MAP3K9: variants seen among roughly 807,000 people sequenced by gnomAD.
MAP3K9 encodes the protein mixed lineage kinase 1 (tyr and ser/thr specificity).
In MAP3K9, 46 loss-of-function variants were observed where a neutral mutation model predicts 95.8. The ratio of observed to expected loss-of-function variants is 0.48; its 90% confidence interval spans 0.38 to 0.61. MAP3K9 has a LOEUF of 0.61. Ranked by LOEUF, MAP3K9 falls within the 20% of genes least tolerant of loss-of-function variation. The pLI is 0.00. For missense variants in MAP3K9, 1,296 were observed against 1,474.3 expected (o/e 0.88, Z 1.98); for synonymous variants, 533 against 593.8 (o/e 0.90, Z 1.49).
At chr14:70,796,913 T>A (rs1382206902) in intron 2 of MAP3K9, among the ~76,000 whole-genome samples, 5 of 151,978 alleles carry the variant, frequency 3.3e-5, no homozygotes, top group Non-Finnish European at 7.4e-5. Flanking sequence ...GTAGACCTTG[T>A]TTAGCCGCTG....
intron 2 of MAP3K9, 44 bp downstream of exon 2, chr14:70,800,623 T>G (rs1218500178): frequency 1.3e-6 from 2 of 1,579,906 alleles, no homozygotes; most frequent in African/African-American, 1.3e-5. Context: ...GGGATACAAC[T>G]GCAACTGCTC....
intron 2 of MAP3K9, among the ~76,000 whole-genome samples, chr14:70,784,689 T>C (rs1416039613): frequency 6.6e-6 from 1 of 152,174 alleles, no homozygotes; most frequent in Non-Finnish European, 1.5e-5. Flanking sequence ...GCCACTGTAC[T>C]CCAGCCTGGG....
chr14:70,739,525 C>CACACTT (rs1555367484), intron 7 of MAP3K9, among the ~76,000 whole-genome samples: 16 of 151,808 alleles, frequency 1.1e-4, no homozygotes, highest in African/African-American at 1.4e-4. Context: ...CACACACACA[C>CACACTT]ACTTACATGT....
intron 2 of MAP3K9, among the ~76,000 whole-genome samples, chr14:70,780,293 T>C (rs1346651717): frequency 2.0e-5 from 3 of 152,180 alleles, no homozygotes; most frequent in African/African-American, 7.2e-5. Context: ...GGAGACATGA[T>C]AGGGAACTAA....
At chr14:70,744,150 A>G (rs1423657273) in intron 5 of MAP3K9, among the ~76,000 whole-genome samples, 1 of 152,170 alleles carries the variant, frequency 6.6e-6, no homozygotes, top group Non-Finnish European at 1.5e-5. Flanking sequence ...GAGTTGAACA[A>G]TGAGAACGCA....
chr14:70,730,820 G>A lies in MAP3K9; in HGVS notation c.2875C>T (p.Pro959Ser). 1 of 1,611,880 alleles carries A rather than the reference G, an allele frequency of 6.2e-7. No individual in the cohort carries two copies. Among genetic ancestry groups the A allele is most frequent in the Non-Finnish European group, 8.5e-7 (1 of 1,179,812 alleles). The stretch of plus-strand genomic sequence containing the variant: ...ACCACATTGGGGTCAGGGAGACGGG[G>A]GAATTCACCTGGGTCTCGGCTGGGA... ...PSPSRDPGEFPRLPDPNVVFP... is the reference protein window; with the variant it reads ...PSPSRDPGEFSRLPDPNVVFP... Residue 959 changes from proline (P) to serine (S), a missense_variant, in exon 12 of 12, where the codon CCC becomes TCC. Physicochemically the swap from Pro to Ser is moderately conservative, Grantham distance 74. Coordinates refer to ENST00000554752, the MANE Select transcript of MAP3K9 (RefSeq NM_001284230.2).
intron 3 of MAP3K9, among the ~76,000 whole-genome samples, chr14:70,755,726 T>C (rs2877693): frequency 0.049 from 7,445 of 152,284 alleles, 216 homozygotes; most frequent in African/African-American, 0.08. Context: ...GCCCATTTAA[T>C]GGGTTATAAA....
At chr14:70,805,625 A>C (rs2054981754) in intron 1 of MAP3K9, among the ~76,000 whole-genome samples, 1 of 152,180 alleles carries the variant, frequency 6.6e-6, no homozygotes, top group Non-Finnish European at 1.5e-5. Flanking sequence ...TTCTGTTTTG[A>C]ATAAAGTTTG....
At chr14:70,743,854 G>A (rs544727254) in intron 5 of MAP3K9, among the ~76,000 whole-genome samples, 36 of 152,188 alleles carry the variant, frequency 2.4e-4, no homozygotes, top group Admixed American at 2.2e-3. Context: ...CCCATTACTG[G>A]GTATATACCC....
chr14:70,765,067 G>A (rs2054431696), intron 2 of MAP3K9, among the ~76,000 whole-genome samples: 1 of 152,152 alleles, frequency 6.6e-6, no homozygotes, highest in Non-Finnish European at 1.5e-5. Context: ...CATGGCTCAG[G>A]CCTGCAATCC....
intron 3 of MAP3K9, among the ~76,000 whole-genome samples, chr14:70,757,333 T>C (rs1025199896): frequency 3.4e-4 from 52 of 151,690 alleles, no homozygotes; most frequent in Middle Eastern, 3.2e-3. Context: ...AAGTGGAGCA[T>C]GCCTGTAGCT....
At chr14:70,779,136 T>G (rs886612404) in intron 2 of MAP3K9, among the ~76,000 whole-genome samples, 1 of 152,098 alleles carries the variant, frequency 6.6e-6, no homozygotes, top group African/African-American at 2.4e-5. Flanking sequence ...AGCAGAACTT[T>G]CATGAGGTAG....
chr14:70,742,253 T>C (rs554205577), intron 6 of MAP3K9, 98 bp downstream of exon 6: 5 of 1,471,390 alleles, frequency 3.4e-6, no homozygotes, highest in East Asian at 2.3e-5. Context: ...AGCCCCAGGG[T>C]GTCATGTTTC....
chr14:70,748,104 CAA>C (rs34373850), intron 5 of MAP3K9, among the ~76,000 whole-genome samples: 1 of 125,434 alleles, frequency 8.0e-6, no homozygotes. Flanking sequence ...GAGACTGTCT[CAA>C]AAAAAAAAAA....
intron 2 of MAP3K9, among the ~76,000 whole-genome samples, chr14:70,785,706 G>A (rs1455901766): frequency 6.6e-6 from 1 of 152,122 alleles, no homozygotes; most frequent in Non-Finnish European, 1.5e-5. Context: ...TCAATGGTTG[G>A]ATGTCAGGAC....
intron 1 of MAP3K9, among the ~76,000 whole-genome samples, chr14:70,806,292 C>T (rs897946369): frequency 2.0e-5 from 3 of 152,204 alleles, no homozygotes; most frequent in Non-Finnish European, 2.9e-5. Context: ...CTTAATCTCC[C>T]TCATGTAACT....
At chr14:70,747,911 A>G (rs2054170155) in intron 5 of MAP3K9, among the ~76,000 whole-genome samples, 1 of 152,096 alleles carries the variant, frequency 6.6e-6, no homozygotes, top group Non-Finnish European at 1.5e-5. Context: ...GATCGAGAGC[A>G]TTCTGGCTAA....
intron 2 of MAP3K9, among the ~76,000 whole-genome samples, chr14:70,796,555 G>A (rs77422890): frequency 0.01 from 1,539 of 152,280 alleles, 17 homozygotes; most frequent in African/African-American, 0.022. Context: ...ATGACACCCA[G>A]CATAAAAGCC....
intron 3 of MAP3K9, among the ~76,000 whole-genome samples, chr14:70,760,076 T>C (rs2054350805): frequency 6.6e-6 from 1 of 151,672 alleles, no homozygotes; most frequent in Admixed American, 6.6e-5. Context: ...TTCTAAAGTG[T>C]ACAAAGGATT....
Sources: gnomAD v4.1 joint callset for allele counts (sites outside exome capture counted in the v4.1 genomes callset) on GRCh38, gnomAD v4.1.1 for gene constraint, MANE v1.5 for transcripts, NCBI Gene and HGNC (gene_info 2026-07-23, HGNC 2026-07-21) for gene names.